USP31: variants seen among roughly 807,000 people sequenced by gnomAD.
USP31 encodes the protein ubiquitin carboxyl-terminal hydrolase 31.
A neutral mutation model predicts 119.4 loss-of-function variants in USP31; 44 were observed. The ratio of observed to expected loss-of-function variants is 0.37; its 90% CI spans 0.29 to 0.47. The LOEUF is 0.47. USP31 is among the 20% of genes least tolerant of loss of function. The pLI is 0.99. For missense variants in USP31, 1,643 were observed against 1,730.2 expected, an observed-to-expected ratio of 0.95 and a Z score of 0.89; for synonymous variants, 749 against 705.6, an observed-to-expected ratio of 1.06 and a Z score of -0.97.
At chr16:23,129,454 A>G (rs1902961295) in intron 1 of USP31, among the ~76,000 whole-genome samples, 1 of 152,208 alleles carries the variant, frequency 6.6e-6, no homozygotes, top group Non-Finnish European at 1.5e-5. Context: ...ATTTTTCTAA[A>G]GCATCCTTAT....
At chr16:23,132,388 T>C (rs1425802772) in intron 1 of USP31, among the ~76,000 whole-genome samples, 2 of 151,868 alleles carry the variant, frequency 1.3e-5, no homozygotes, top group South Asian at 4.2e-4. Context: ...GTCTTTACTA[T>C]AGGAAACAGC....
At chr16:23,118,866 T>A (rs1474679713) in intron 1 of USP31, among the ~76,000 whole-genome samples, 1 of 151,742 alleles carries the variant, frequency 6.6e-6, no homozygotes, top group African/African-American at 2.4e-5. Context: ...CCAGCTACTC[T>A]ACAGGCTGAG....
chr16:23,076,624 T>C (rs891408977), intron 13 of USP31, among the ~76,000 whole-genome samples: 6 of 152,226 alleles, frequency 3.9e-5, no homozygotes, highest in East Asian at 3.8e-4. Context: ...TCTAAGGTAG[T>C]TGGAGGTTTC....
At position 23,066,379 on chromosome 16, in the gene USP31, T is replaced by C. The variant is rs1466845709; in HGVS notation, c.*1667A>G. 1 of 152,242 alleles carries C rather than the reference T, an allele frequency of 6.6e-6. No homozygotes were observed. Among genetic ancestry groups the C allele is most frequent in the Non-Finnish European group, 1.5e-5 (1 of 67,972 alleles). The allele number at this position is 152,242 out of a possible 1,614,324, so 9.4% of individuals were successfully genotyped here. A position where few individuals can be genotyped will look rare whatever the true frequency, so the allele number is the denominator to read the frequency against. On this transcript the variant is annotated 3_prime_UTR_variant, in exon 16 of 16. Transcript: ENST00000219689. Reference sequence around the variant, plus strand: ...AGCAAAATAAAGTTAAGTAACGTACTAAAAACTTTTCCCAAGAGATATTCT... The same window carrying C: ...AGCAAAATAAAGTTAAGTAACGTACCAAAAACTTTTCCCAAGAGATATTCT...
At chr16:23,081,533 G>C (rs577449594) in intron 12 of USP31, among the ~76,000 whole-genome samples, 1 of 152,330 alleles carries the variant, frequency 6.6e-6, no homozygotes, top group Non-Finnish European at 1.5e-5. Context: ...GAAGGCAAGG[G>C]CCTCCTTCAG....
intron 15 of USP31, 107 bp from the exon 16 acceptor site, chr16:23,069,723 A>G: frequency 7.1e-7 from 1 of 1,408,226 alleles, no homozygotes; most frequent in Non-Finnish European, 9.4e-7. Context: ...GGATGAAAGG[A>G]GCATGACCTT....
Position 23,068,598 on chromosome 16 carries a change from G to A in USP31, c.3507C>T (p.Ser1169=), listed in dbSNP as rs754802872. 1.7e-5 allele frequency: 27 copies of A among 1,614,046 alleles called. No individual in the cohort carries two copies. The highest frequency in any genetic ancestry group is 1.3e-4 in the African/African-American group (10 of 74,916). The change falls in exon 16 of 16, where the codon AGC becomes AGT. Residue 1169 remains serine (S), a synonymous_variant. Transcript: ENST00000219689. ...AATTGGGTTTGGAGGTGGAGGTGGC[G>A]CTGGCTCTGTCAGAACCCAAGCTTT... ...SRQSLGSDRA[S]ATSTSKPNSP... is the part of the protein sequence containing the mutation.
At chr16:23,109,470 C>A (rs900883296) in intron 1 of USP31, among the ~76,000 whole-genome samples, 2 of 152,014 alleles carry the variant, frequency 1.3e-5, no homozygotes, top group Non-Finnish European at 2.9e-5. Context: ...ACTGAATGAA[C>A]AAATAGGGAG....
chr16:23,146,151 A>G (rs960547556), intron 1 of USP31, among the ~76,000 whole-genome samples: 16 of 150,192 alleles, frequency 1.1e-4, no homozygotes, highest in African/African-American at 3.9e-4. Flanking sequence ...GAGAAAACCA[A>G]ACTTAAATAC....
chr16:23,111,447 G>A (rs1024886686), intron 1 of USP31, among the ~76,000 whole-genome samples: 2 of 152,184 alleles, frequency 1.3e-5, no homozygotes, highest in African/African-American at 4.8e-5. Context: ...AAAGGAGGAA[G>A]TCCAGGAAAG....
rs895027119 is a variant in USP31 at position 23,061,578 on chromosome 16, CAAAT to C, written c.*6464_*6467del. 1.5e-4 allele frequency: 23 copies of C among 152,686 alleles called. No individual in the cohort carries two copies. The highest frequency in any genetic ancestry group is 4.3e-4 in the African/African-American group (18 of 41,546). The allele number at this position is 152,686 out of a possible 1,614,324, so 9.5% of individuals were successfully genotyped here. A position where few individuals can be genotyped will look rare whatever the true frequency, so the allele number is the denominator to read the frequency against. On this transcript the variant is annotated 3_prime_UTR_variant, in exon 16 of 16. Transcript: ENST00000219689. ...CATACACTTTGAATAATAAAACATACAAATAAATAACAGAAATCAGTGACACATC... is the reference window on the plus strand; with the variant it reads ...CATACACTTTGAATAATAAAACATACAAATAACAGAAATCAGTGACACATC...
chr16:23,088,898 A>G (rs2141850382), intron 7 of USP31, among the ~76,000 whole-genome samples: 1 of 152,356 alleles, frequency 6.6e-6, no homozygotes, highest in East Asian at 1.9e-4. Context: ...ACTCTGACTC[A>G]GGCCCAGAGG....
chr16:23,085,488 A>T, intron 10 of USP31, 97 bp downstream of exon 10: 1 of 1,100,884 alleles, frequency 9.1e-7, no homozygotes, highest in African/African-American at 1.6e-5. Context: ...AAGAGAAGAG[A>T]GATTTGTGTT....
At chr16:23,127,397 C>A (rs991766619) in intron 1 of USP31, among the ~76,000 whole-genome samples, 1 of 151,584 alleles carries the variant, frequency 6.6e-6, no homozygotes, top group East Asian at 1.9e-4. Flanking sequence ...CCACCCTGGG[C>A]GACAGAGCAA....
At chr16:23,109,372 C>T (rs1196106927) in intron 1 of USP31, among the ~76,000 whole-genome samples, 3 of 151,960 alleles carry the variant, frequency 2.0e-5, no homozygotes, top group African/African-American at 7.3e-5. Context: ...CTCCCAACAG[C>T]CAAAGCTGGA....
In USP31 at chr16:23,069,615, T is replaced by G. The variant is rs1398665822; in HGVS notation, c.2490A>C (p.Gly830=). ...EMTGERSEDD[G]GFSTRPFVRS... is the part of the protein sequence containing the mutation. Reference sequence around the variant, plus strand: ...TCACAAATGGTCGAGTTGAAAAGCCTCCTGAACACAGTAAAGAGAATACTG... The same window carrying G: ...TCACAAATGGTCGAGTTGAAAAGCCGCCTGAACACAGTAAAGAGAATACTG... The change falls in exon 16 of 16, where the codon GGA becomes GGC. Residue 830 remains glycine (G), a splice_region_variant and synonymous_variant. Coordinates refer to ENST00000219689, the MANE Select transcript of USP31 (RefSeq NM_020718.4). 3 of 1,602,856 alleles carry G rather than the reference T, an allele frequency of 1.9e-6. No homozygotes were observed. In the South Asian group the frequency reaches 3.3e-5, roughly 18 times the overall value.
At chr16:23,078,811 C>T (rs186158356) in intron 13 of USP31, among the ~76,000 whole-genome samples, 1 of 152,220 alleles carries the variant, frequency 6.6e-6, no homozygotes, top group African/African-American at 2.4e-5. Flanking sequence ...ATGGCAAAAA[C>T]TTAAGAGAAA....
intron 9 of USP31, among the ~76,000 whole-genome samples, chr16:23,086,604 C>T (rs144160550): frequency 6.4e-4 from 97 of 152,162 alleles, no homozygotes; most frequent in African/African-American, 2.2e-3. Context: ...AAAATAGTAT[C>T]GCCTGTTCAA....
chr16:23,106,516 A>G (rs1359170433), intron 2 of USP31, 29 bp from the exon 3 acceptor site: 1 of 1,565,826 alleles, frequency 6.4e-7, no homozygotes, highest in East Asian at 2.2e-5. Flanking sequence ...ACAACTTCAC[A>G]GACTAGAAAG....
Sources: allele counts gnomAD v4.1 joint callset (sites outside exome capture counted in the v4.1 genomes callset), GRCh38; gene constraint gnomAD v4.1.1; transcripts MANE v1.5; gene names NCBI Gene and HGNC (gene_info 2026-07-23, HGNC 2026-07-21).